CSNK1G2: variants seen among roughly 807,000 people sequenced by gnomAD.
CSNK1G2 encodes casein kinase I isoform gamma-2.
CSNK1G2 carries 11 observed loss-of-function variants against 48.0 expected under a neutral mutation model. The observed-to-expected ratio is 0.23, with a 90% CI of 0.14 to 0.38. The LOEUF is 0.38. Among genes scored for constraint, CSNK1G2 ranks in the 10% least tolerant of loss-of-function variants. The pLI is 1.00. For missense variants in CSNK1G2, 446 were observed against 595.5 expected, an observed-to-expected ratio of 0.75 and a Z score of 2.61; for synonymous variants, 337 against 254.1, an observed-to-expected ratio of 1.33 and a Z score of -3.10.
In CSNK1G2 at chr19:1,969,804, A is replaced by G; in HGVS notation, c.32A>G (p.Glu11Gly). The G allele has an allele frequency of 7.6e-7, 1 of 1,309,490 alleles. No individual in the cohort carries two copies. Among genetic ancestry groups the G allele is most frequent in the Admixed American group, 3.1e-5 (1 of 32,452 alleles). The allele number at this position is 1,309,490 out of a possible 1,614,324, so 81.1% of individuals were successfully genotyped here. A position where few individuals can be genotyped will look rare whatever the true frequency, so the allele number is the denominator to read the frequency against. MDFDKKGGKG[E>G]TEEGRRMSKA... is the part of the protein sequence containing the mutation. ...TTTGACAAGAAAGGAGGGAAAGGGG[A>G]GACGGAGGAGGGCCGGAGAATGTCC... Residue 11 changes from glutamate to glycine, a missense_variant, in exon 2 of 12, where the codon GAG becomes GGG. Coordinates refer to ENST00000255641, the MANE Select transcript of CSNK1G2 (RefSeq NM_001319.7).
chr19:1,951,407 A>G, intron 1 of CSNK1G2, among the ~76,000 whole-genome samples: 1 of 142,500 alleles, frequency 7.0e-6, no homozygotes, highest in South Asian at 2.3e-4. Flanking sequence ...CGTCTCAAAA[A>G]AAAAATAAAA....
intron 1 of CSNK1G2, among the ~76,000 whole-genome samples, chr19:1,967,683 C>T (rs1005789902): frequency 2.4e-5 from 3 of 127,580 alleles, no homozygotes; most frequent in African/African-American, 1.0e-4. Context: ...CTCCTCCCTC[C>T]TCCCCAGGCT....
rs1341369270 is a variant in CSNK1G2 at position 1,974,738 on chromosome 19, C to G, written c.188-3567C>G. On this transcript the variant is annotated intron_variant, in intron 2 of 11. Transcript: ENST00000255641. ...GGCTGAGGGTAAACATGAGCGACTC[C>G]AAGGCCAGGGAGCCCTGTGCCAAGG... 2.0e-5 allele frequency: 3 copies of G among 152,216 alleles called. No individual in the cohort carries two copies. In the East Asian group the frequency reaches 5.8e-4, roughly 29 times the overall value. The allele number at this position is 152,216 out of a possible 1,614,324, so 9.4% of individuals were successfully genotyped here. A position where few individuals can be genotyped will look rare whatever the true frequency, so the allele number is the denominator to read the frequency against.
intron 1 of CSNK1G2, among the ~76,000 whole-genome samples, chr19:1,942,088 C>G (rs1368189003): frequency 1.3e-5 from 2 of 152,092 alleles, no homozygotes. Flanking sequence ...TGGTCTGATC[C>G]GCAGGGACCT....
In CSNK1G2 at chr19:1,980,604, C is replaced by G. The variant is rs2145604549; in HGVS notation, c.*401C>G. On this transcript the variant is annotated 3_prime_UTR_variant, in exon 12 of 12. Transcript: ENST00000255641. ...GCCGCCCCCGTTAGCGTCATAAAGT[C>G]CAGCTTGTCTCCCTCGATCCAAAGG... 1 of 258,262 alleles carries G rather than the reference C, an allele frequency of 3.9e-6. No individual in the cohort carries two copies. The highest frequency in any genetic ancestry group is 1.2e-4 in the East Asian group (1 of 8,154). The allele number at this position is 258,262 out of a possible 1,614,324, so 16.0% of individuals were successfully genotyped here.
At chr19:1,967,243 GGTGCCTTC>G (rs1272474069) in intron 1 of CSNK1G2, among the ~76,000 whole-genome samples, 2 of 152,148 alleles carry the variant, frequency 1.3e-5, no homozygotes, top group Non-Finnish European at 2.9e-5. Context: ...TTGTGACGCC[GGTGCCTTC>G]GTTTCTGATG....
At chr19:1,941,736 C>T (rs1051396534) in intron 1 of CSNK1G2, among the ~76,000 whole-genome samples, 1 of 150,624 alleles carries the variant, frequency 6.6e-6, no homozygotes, top group Admixed American at 6.6e-5. Context: ...AGTCTGCCGC[C>T]CCAGTGACCC....
intron 1 of CSNK1G2, among the ~76,000 whole-genome samples, chr19:1,943,949 GCA>G (rs2014460664): frequency 6.6e-6 from 1 of 152,176 alleles, no homozygotes; most frequent in African/African-American, 2.4e-5. Flanking sequence ...GCACAGCCTG[GCA>G]GGGGCTGCGG....
chr19:1,959,492 C>CACCCTGA (rs1441532192), intron 1 of CSNK1G2, among the ~76,000 whole-genome samples: 1 of 132,276 alleles, frequency 7.6e-6, no homozygotes, highest in African/African-American at 2.9e-5. Flanking sequence ...CTTTAATGCT[C>CACCCTGA]GGCCCCCAGC....
At chr19:1,964,248 G>A (rs2015292047) in intron 1 of CSNK1G2, among the ~76,000 whole-genome samples, 1 of 151,482 alleles carries the variant, frequency 6.6e-6, no homozygotes, top group Non-Finnish European at 1.5e-5. Flanking sequence ...AGCTGTGATT[G>A]CGCCATGGCA....
intron 2 of CSNK1G2, chr19:1,976,008 C>G: frequency 8.2e-7 from 1 of 1,219,892 alleles, no homozygotes; most frequent in Non-Finnish European, 1.1e-6. Context: ...GCACTCCAGC[C>G]TGGGCAACAG....
intron 2 of CSNK1G2, among the ~76,000 whole-genome samples, chr19:1,970,248 A>T (rs1345458035): frequency 6.6e-6 from 1 of 152,202 alleles, no homozygotes; most frequent in East Asian, 1.9e-4. Context: ...AAGGAGCCCG[A>T]TGTTAAGTTG....
chr19:1,947,706 G>T (rs757001346), intron 1 of CSNK1G2, among the ~76,000 whole-genome samples: 3 of 152,234 alleles, frequency 2.0e-5, no homozygotes, highest in Non-Finnish European at 1.5e-5. Context: ...CCTGCAGGTG[G>T]GCTGGGACAG....
chr19:1,970,824 G>T lies in CSNK1G2; in HGVS notation c.187+865G>T, dbSNP rs564378984. Among the ~76,000 whole-genome samples, 26 of 152,336 alleles carry T rather than the reference G, an allele frequency of 1.7e-4. No individual in the cohort carries two copies. In the South Asian group the frequency reaches 3.3e-3, roughly 19 times the overall value. On this transcript the variant is annotated intron_variant, in intron 2 of 11. Transcript: ENST00000255641. ...GGAATCAGGGTCCCTGGGAAAGAGC[G>T]CAGGATGGGCAGGTCCGAGAGGCCA...
chr19:1,954,072 G>T, intron 1 of CSNK1G2: 1 of 504,864 alleles, frequency 2.0e-6, no homozygotes, highest in Non-Finnish European at 4.1e-6. Flanking sequence ...CCCATGGGGT[G>T]GGCGGCTTCC....
intron 1 of CSNK1G2, among the ~76,000 whole-genome samples, chr19:1,950,741 T>TC (rs2014733808): frequency 6.9e-6 from 1 of 144,386 alleles, no homozygotes; most frequent in Non-Finnish European, 1.5e-5. Flanking sequence ...CCAGCACCCG[T>TC]CCCCCTGCCT....
rs1408479336 is a variant in CSNK1G2 at position 1,978,079 on chromosome 19, A to G, written c.188-226A>G. ...GGGCGGGGGAGGAGGAGTGGCAGAC[A>G]CTGAGGCGGTGACCACACGGGCAGG... On this transcript the variant is annotated intron_variant, in intron 2 of 11. Coordinates refer to ENST00000255641, the MANE Select transcript of CSNK1G2 (RefSeq NM_001319.7). The surrounding 1 kb of genome is among the most constrained non-coding windows in gnomAD (Gnocchi z 7.3). 3.3e-5 allele frequency among the ~76,000 whole-genome samples: 5 copies of G among 152,070 alleles called. No individual in the cohort carries two copies. The highest frequency in any genetic ancestry group is 2.0e-4 in the Admixed American group (3 of 15,276).
rs5826751 is a variant in CSNK1G2, at chr19:1,948,554, A to AC, written c.-266+7136_-266+7137insC. ...AAAAAAAAAAACGCAAAAAAAAAAAAGATCCCGTCACACTGACCCAGCTCA... is the reference window on the plus strand; with the variant it reads ...AAAAAAAAAAACGCAAAAAAAAAAAACGATCCCGTCACACTGACCCAGCTCA... On this transcript the variant is annotated intron_variant, in intron 1 of 11. Coordinates refer to ENST00000255641, the MANE Select transcript of CSNK1G2 (RefSeq NM_001319.7). Among the ~76,000 whole-genome samples the AC allele has an allele frequency of 3.4e-4, 49 of 142,310 alleles. 3 individuals carry two copies. The highest frequency in any genetic ancestry group is 4.3e-4 in the Admixed American group (6 of 13,814). 93.4% of individuals were successfully genotyped at this position (142,310 alleles called of 152,430 possible).
chr19:1,973,068 C>T (rs535472953), intron 2 of CSNK1G2, among the ~76,000 whole-genome samples: 7 of 151,776 alleles, frequency 4.6e-5, no homozygotes, highest in Admixed American at 6.6e-5. Flanking sequence ...GCTGGGACTA[C>T]AGCCGCCCGC....
Sources: allele counts gnomAD v4.1 joint callset (sites outside exome capture counted in the v4.1 genomes callset), GRCh38; gene constraint gnomAD v4.1.1; non-coding constraint Gnocchi (gnomAD v3.1); transcripts MANE v1.5; gene names NCBI Gene and HGNC (gene_info 2026-07-23, HGNC 2026-07-21).